HMCN1: variants seen among roughly 807,000 people sequenced by gnomAD.
The protein encoded by HMCN1 is hemicentin-1.
HMCN1 carries 321 observed loss-of-function variants against 625.9 expected under a neutral mutation model. The observed-to-expected ratio is 0.51, with a 90% CI of 0.47 to 0.56. The LOEUF (loss-of-function observed/expected upper bound fraction) is 0.56. Ranked by LOEUF, HMCN1 falls within the 20% of genes least tolerant of loss-of-function variation. The probability of loss-of-function intolerance (pLI) is 0.00; values close to 1 mark genes in which losing one functional copy is unlikely to be tolerated. For missense variants in HMCN1, 6,588 were observed against 6,887.3 expected (o/e 0.96, Z 1.54); for synonymous variants, 2,425 against 2,417.6 (o/e 1.00, Z -0.09).
At position 185,734,926 on chromosome 1, in the gene HMCN1, T is replaced by A; in HGVS notation, c.147T>A (p.Thr49=). The A allele has an allele frequency of 6.2e-7, 1 of 1,614,200 alleles. No homozygotes were observed. Among genetic ancestry groups the A allele is most frequent in the Non-Finnish European group, 8.5e-7 (1 of 1,180,026 alleles). The change falls in exon 1 of 107, where the codon ACT becomes ACA. Residue 49 remains threonine (T), a synonymous_variant. Transcript: ENST00000271588. ...ASTLAFVFDV[T]GSMYDDLVQV... ...CGTTGGCTTTTGTGTTTGATGTGAC[T>A]GGTTCTATGTATGATGATTTAGTTC... is the stretch of plus-strand genomic sequence containing the variant.
intron 16 of HMCN1, among the ~76,000 whole-genome samples, chr1:185,979,243 G>A (rs1300623563): frequency 6.6e-6 from 1 of 152,046 alleles, no homozygotes; most frequent in Non-Finnish European, 1.5e-5. Flanking sequence ...GATTTGATGA[G>A]CTAGAAGTTA....
chr1:186,088,802 AT>A, intron 63 of HMCN1, 47 bp downstream of exon 63: 1 of 1,535,808 alleles, frequency 6.5e-7, no homozygotes, highest in Non-Finnish European at 8.9e-7. Flanking sequence ...TTGTTATTCC[AT>A]TTATAGTACA....
chr1:185,892,444 A>G (rs1008032988), intron 4 of HMCN1, among the ~76,000 whole-genome samples: 8 of 151,436 alleles, frequency 5.3e-5, no homozygotes, highest in Non-Finnish European at 8.8e-5. Flanking sequence ...TTGTGGTTTT[A>G]TCTACTTTTG....
chr1:185,780,031 G>A (rs1656947508), intron 1 of HMCN1, among the ~76,000 whole-genome samples: 1 of 152,178 alleles, frequency 6.6e-6, no homozygotes, highest in African/African-American at 2.4e-5. Context: ...ATTGAGCAGA[G>A]GTTTGTAGTT....
intron 1 of HMCN1, among the ~76,000 whole-genome samples, chr1:185,778,801 C>A (rs112062270): frequency 0.09 from 13,693 of 151,984 alleles, 1,980 homozygotes; most frequent in African/African-American, 0.31. Flanking sequence ...TGCTGTAATG[C>A]ACATACGTGT....
intron 11 of HMCN1, among the ~76,000 whole-genome samples, chr1:185,939,390 C>T (rs577243713): frequency 5.9e-5 from 9 of 152,286 alleles, no homozygotes; most frequent in African/African-American, 1.7e-4. Flanking sequence ...TCAGAAGTCC[C>T]GCTATGCAAA....
chr1:186,166,121 T>TAAA, intron 98 of HMCN1, 63 bp from the exon 99 acceptor site: 1 of 1,595,492 alleles, frequency 6.3e-7, no homozygotes, highest in South Asian at 1.1e-5. Context: ...TTACTGGCTT[T>TAAA]AATAACTCCC....
In HMCN1 at chr1:186,165,956, CATT is replaced by C. The variant is rs1237885434; in HGVS notation, c.15320-227_15320-225del. Among the ~76,000 whole-genome samples the C allele has an allele frequency of 2.0e-5, 3 of 152,182 alleles. No homozygotes were observed. In the East Asian group the frequency reaches 5.8e-4, roughly 29 times the overall value. ...ATGATAAATATATTTTAGCTATTATCATTGTTGTTTTAGGATATAATCTAACCA... is the reference window on the plus strand; with the variant it reads ...ATGATAAATATATTTTAGCTATTATCGTTGTTTTAGGATATAATCTAACCA... On this transcript the variant is annotated intron_variant, in intron 98 of 106. Transcript: ENST00000271588.
At chr1:185,881,736 A>G (rs1664325886) in intron 4 of HMCN1, among the ~76,000 whole-genome samples, 1 of 152,256 alleles carries the variant, frequency 6.6e-6, no homozygotes, top group Non-Finnish European at 1.5e-5. Flanking sequence ...ATATGAATTT[A>G]GACAAAGTCT....
rs538600586 is a variant in HMCN1, at chr1:185,888,668, C to A, written c.622-20669C>A. ...GCTCTGTTGTGTTCCATTGATCTATCTCTCTGTTTTGGTACCAGTACCATG... is the reference window on the plus strand; with the variant it reads ...GCTCTGTTGTGTTCCATTGATCTATATCTCTGTTTTGGTACCAGTACCATG... On this transcript the variant is annotated intron_variant, in intron 4 of 106. Coordinates refer to ENST00000271588, the MANE Select transcript of HMCN1 (RefSeq NM_031935.3). 1.5e-3 allele frequency among the ~76,000 whole-genome samples: 219 copies of A among 147,366 alleles called. 3 individuals carry two copies. In the East Asian group the frequency reaches 0.016, roughly 11 times the overall value.
At chr1:185,771,733 G>C (rs1656255354) in intron 1 of HMCN1, among the ~76,000 whole-genome samples, 2 of 152,092 alleles carry the variant, frequency 1.3e-5, no homozygotes, top group Non-Finnish European at 2.9e-5. Flanking sequence ...CATTTCAAGA[G>C]TACCACACCT....
intron 1 of HMCN1, among the ~76,000 whole-genome samples, chr1:185,779,939 A>G (rs1016824842): frequency 1.3e-5 from 2 of 152,112 alleles, no homozygotes; most frequent in Non-Finnish European, 2.9e-5. Flanking sequence ...ACCTTGGGCA[A>G]TATGGCCATT....
intron 11 of HMCN1, among the ~76,000 whole-genome samples, chr1:185,947,394 C>T (rs1216614670): frequency 6.6e-6 from 1 of 152,136 alleles, no homozygotes; most frequent in East Asian, 1.9e-4. Flanking sequence ...ACAGATGTGG[C>T]TACCATATTT....
chr1:185,849,438 C>G (rs544243838), intron 2 of HMCN1, among the ~76,000 whole-genome samples: 1 of 152,042 alleles, frequency 6.6e-6, no homozygotes, highest in Admixed American at 6.6e-5. Context: ...TGAAGGACTG[C>G]GTATAATTTA....
chr1:186,181,765 G>A (rs1276693641), intron 104 of HMCN1, among the ~76,000 whole-genome samples: 1 of 152,068 alleles, frequency 6.6e-6, no homozygotes, highest in East Asian at 1.9e-4. Flanking sequence ...CTTTTTGCAA[G>A]TAATCTCAAT....
At position 185,994,994 on chromosome 1, in the gene HMCN1, G is replaced by A. The variant is rs534222479; in HGVS notation, c.3685G>A (p.Asp1229Asn). ...VSNPDGTLSIDQATPSDAGIY... is the reference protein window; with the variant it reads ...VSNPDGTLSINQATPSDAGIY... Reference sequence around the variant, plus strand: ...CAATCCAGACGGAACTTTAAGCATCGACCAAGCCACGCCCTCAGATGCTGG... The same window carrying A: ...CAATCCAGACGGAACTTTAAGCATCAACCAAGCCACGCCCTCAGATGCTGG... The change falls in exon 24 of 107, where the codon GAC (aspartate) becomes AAC (asparagine). Residue 1229 changes from aspartate to asparagine, a missense_variant. By Grantham distance (23) the Asp-to-Asn change is conservative (BLOSUM62 1). Around this residue, in one of 3 missense-constraint regions of HMCN1, gnomAD observed 4,628 missense variants for 4,853.1 expected, o/e 0.95. Transcript: ENST00000271588. 5.6e-6 allele frequency: 9 copies of A among 1,613,824 alleles called. No individual in the cohort carries two copies. Among genetic ancestry groups the A allele is most frequent in the East Asian group, 2.2e-5 (1 of 44,856 alleles).
intron 42 of HMCN1, among the ~76,000 whole-genome samples, chr1:186,052,264 C>T (rs1338912373): frequency 6.6e-6 from 1 of 152,002 alleles, no homozygotes; most frequent in Non-Finnish European, 1.5e-5. Context: ...GATTCTCCCA[C>T]TCCTCAACTC....
At chr1:186,073,622 C>G (rs1008150288) in intron 52 of HMCN1, among the ~76,000 whole-genome samples, 44 of 151,632 alleles carry the variant, frequency 2.9e-4, no homozygotes, top group African/African-American at 1.0e-3. Context: ...TAGGGTTTTG[C>G]CAGGGGAGTA....
At chr1:185,982,796 G>A (rs1042131469) in intron 18 of HMCN1, among the ~76,000 whole-genome samples, 4 of 151,796 alleles carry the variant, frequency 2.6e-5, no homozygotes, top group Non-Finnish European at 2.9e-5. Flanking sequence ...CAAAAGTATC[G>A]ATTTAATAAA....
Sources: gnomAD v4.1 joint callset for allele counts (sites outside exome capture counted in the v4.1 genomes callset) on GRCh38, gnomAD v4.1.1 for gene constraint, gnomAD v4.1.1 regional missense constraint, MANE v1.5 for transcripts, NCBI Gene and HGNC (gene_info 2026-07-23, HGNC 2026-07-21) for gene names.